The following FABP7 variants were observed in gnomAD, a reference collection of about 807,000 sequenced individuals.
FABP7 encodes the protein fatty acid binding protein 7.
FABP7 carries 13 observed loss-of-function variants against 14.2 expected under a neutral mutation model. That is an observed-to-expected ratio of 0.91 (90% CI 0.59 to 1.45). FABP7 has a LOEUF of 1.45. Ranked by LOEUF, FABP7 falls within the 40% of genes most tolerant of loss-of-function variation. The pLI is 0.00. For missense variants in FABP7, 149 were observed against 157.6 expected (o/e 0.95, Z 0.29); for synonymous variants, 49 against 51.4 (o/e 0.95, Z 0.20).
At chr6:122,761,343 G>T in the FABP7 span, among the ~76,000 whole-genome samples, 1 of 152,168 alleles carries the variant, frequency 6.6e-6, no homozygotes, top group Non-Finnish European at 1.5e-5. Context: ...ATGATCCAGA[G>T]TAACACTGTG....
chr6:122,778,044 G>T (rs1361170317), upstream of FABP7, among the ~76,000 whole-genome samples: 1 of 151,870 alleles, frequency 6.6e-6, no homozygotes, highest in Non-Finnish European at 1.5e-5. Context: ...TTACGTTTTT[G>T]ACTGTACTTC....
At chr6:122,770,190 A>G in the FABP7 span, among the ~76,000 whole-genome samples, 2 of 152,134 alleles carry the variant, frequency 1.3e-5, no homozygotes, top group Admixed American at 6.6e-5. Flanking sequence ...AGGAATTTTT[A>G]ATGTCCTCAG....
the FABP7 span, among the ~76,000 whole-genome samples, chr6:122,772,076 A>C: frequency 6.6e-6 from 1 of 152,232 alleles, no homozygotes; most frequent in African/African-American, 2.4e-5. Flanking sequence ...TACATAAATG[A>C]AACCATAGGA....
chr6:122,756,525 A>C, the FABP7 span, among the ~76,000 whole-genome samples: 1 of 152,168 alleles, frequency 6.6e-6, no homozygotes, highest in East Asian at 1.9e-4. Context: ...ATCTAACCTC[A>C]AACTTCTACT....
the FABP7 span, among the ~76,000 whole-genome samples, chr6:122,764,138 CA>C: frequency 1.3e-5 from 2 of 152,126 alleles, no homozygotes; most frequent in Non-Finnish European, 2.9e-5. Context: ...GGAACTAACC[CA>C]AATGTCCATC....
At chr6:122,783,168 G>A (rs1220737152) in intron 3 of FABP7, 6 of 985,298 alleles carry the variant, frequency 6.1e-6, no homozygotes, top group Non-Finnish European at 7.2e-6. Context: ...TAGAGCTGAT[G>A]TTCCGCATCC....
chr6:122,779,627 G>C, upstream of FABP7: 2 of 630,682 alleles, frequency 3.2e-6, no homozygotes, highest in Non-Finnish European at 5.7e-6. Flanking sequence ...TGGAAAGAGG[G>C]ACACTGGAGG....
At chr6:122,765,220 C>T in the FABP7 span, among the ~76,000 whole-genome samples, 1 of 152,014 alleles carries the variant, frequency 6.6e-6, no homozygotes, top group East Asian at 1.9e-4. Flanking sequence ...ATCTTTTTCT[C>T]TGATTGAATG....
the FABP7 span, among the ~76,000 whole-genome samples, chr6:122,759,990 G>A: frequency 6.6e-6 from 1 of 151,840 alleles, no homozygotes; most frequent in East Asian, 1.9e-4. Flanking sequence ...GTGGTGGCGG[G>A]TGCCTGCAGT....
At chr6:122,774,387 G>A in the FABP7 span, among the ~76,000 whole-genome samples, 81 of 28,108 alleles carry the variant, frequency 2.9e-3, no homozygotes, top group African/African-American at 6.1e-3. Context: ...AAAAAAAAAA[G>A]ACAGAGAGAG....
At chr6:122,756,070 G>A in the FABP7 span, among the ~76,000 whole-genome samples, 2 of 152,098 alleles carry the variant, frequency 1.3e-5, no homozygotes, top group Non-Finnish European at 2.9e-5. Context: ...GCAGTTCTGC[G>A]CTCCCCCCTT....
the FABP7 span, among the ~76,000 whole-genome samples, chr6:122,770,999 G>A: frequency 6.6e-6 from 1 of 151,530 alleles, no homozygotes; most frequent in African/African-American, 2.4e-5. Context: ...CAAAATGTAA[G>A]TAAGTGGTGA....
the FABP7 span, among the ~76,000 whole-genome samples, chr6:122,750,706 G>A: frequency 6.6e-6 from 1 of 152,154 alleles, no homozygotes; most frequent in Non-Finnish European, 1.5e-5. Context: ...ACTAAACAAA[G>A]AAGACAAGAA....
the FABP7 span, among the ~76,000 whole-genome samples, chr6:122,764,824 C>A: frequency 6.6e-6 from 1 of 152,116 alleles, no homozygotes; most frequent in Admixed American, 6.6e-5. Context: ...TAGACTTAAT[C>A]CTGAGGATTT....
chr6:122,781,279 C>CT (rs1780777500), intron 3 of FABP7, 85 bp downstream of exon 3: 1 of 1,562,862 alleles, frequency 6.4e-7, no homozygotes, highest in South Asian at 1.2e-5. Context: ...TTCCCTCCTC[C>CT]TTCCATTCTT....
Position 122,782,599 on chromosome 6 carries a change from G to A in FABP7, c.349-1118G>A, listed in dbSNP as rs962772517. The A allele has an allele frequency of 1.1e-4, 110 of 985,410 alleles. No individual in the cohort carries two copies. The African/African-American group carries it at 1.8e-3, about 16-fold the overall frequency. The allele number at this position is 985,410 out of a possible 1,614,324, so 61.0% of individuals were successfully genotyped here. On this transcript the variant is annotated intron_variant, in intron 3 of 3. Transcript: ENST00000368444. ...AGACACTTTTTGTGTGACCTGCAAT[G>A]GTATATTGATGATACTGACATAGGT...
chr6:122,774,418 T>C, the FABP7 span, among the ~76,000 whole-genome samples: 409 of 144,630 alleles, frequency 2.8e-3, 1 homozygote, highest in African/African-American at 8.8e-3. Context: ...AAAGAAAGCT[T>C]GTAAAAAGAT....
the FABP7 span, among the ~76,000 whole-genome samples, chr6:122,753,642 C>T: frequency 1.3e-5 from 2 of 152,128 alleles, no homozygotes; most frequent in African/African-American, 4.8e-5. Flanking sequence ...TTGGATAAAA[C>T]GCCCAGCAAA....
At chr6:122,758,466 C>T in the FABP7 span, among the ~76,000 whole-genome samples, 1 of 152,140 alleles carries the variant, frequency 6.6e-6, no homozygotes, top group African/African-American at 2.4e-5. Flanking sequence ...TGTGTACAGT[C>T]TAACAACAAA....
Sources: gnomAD v4.1 joint callset for allele counts (sites outside exome capture counted in the v4.1 genomes callset) on GRCh38, gnomAD v4.1.1 for gene constraint, MANE v1.5 for transcripts, NCBI Gene and HGNC (gene_info 2026-07-23, HGNC 2026-07-21) for gene names.